FGF14: variants seen among roughly 807,000 people sequenced by gnomAD.
The protein encoded by FGF14 is fibroblast growth factor homologous factor 4.
In FGF14, 5 loss-of-function variants were observed where a neutral mutation model predicts 25.5. That is an observed-to-expected ratio of 0.20 (90% CI 0.10 to 0.41). FGF14 has a LOEUF of 0.41. Ranked by LOEUF, FGF14 falls within the 10% of genes least tolerant of loss-of-function variation. The pLI is 1.00. For synonymous variants in FGF14, 138 were observed against 118.3 expected (o/e 1.17, Z -1.08); for missense variants, 222 against 320.1 (o/e 0.69, Z 2.34).
In FGF14 at chr13:102,059,870, CAAAAA is replaced by C. The variant is rs1291466473; in HGVS notation, c.209-184579_209-184575del. ...CATCTCAAAAAAACAAAAACAAAAA[CAAAAA>C]AAAAAGAAAAGAAAGAAAGAAAAGA... On this transcript the variant is annotated intron_variant, in intron 1 of 4. Transcript: ENST00000376131. 6.4e-5 allele frequency among the ~76,000 whole-genome samples: 9 copies of C among 139,824 alleles called. No individual in the cohort carries two copies. In the South Asian group the frequency reaches 2.1e-3, roughly 32 times the overall value. 91.7% of individuals were successfully genotyped at this position (139,824 alleles called of 152,430 possible). A position where few individuals can be genotyped will look rare whatever the true frequency, so the allele number is the denominator to read the frequency against.
rs1388171078 is a variant in FGF14, at chr13:102,165,895, A to G, written c.208+235576T>C. Among the ~76,000 whole-genome samples, 4 of 152,062 alleles carry G rather than the reference A, an allele frequency of 2.6e-5. No homozygotes were observed. In the East Asian group the frequency reaches 5.8e-4, roughly 22 times the overall value. On this transcript the variant is annotated intron_variant, in intron 1 of 4. Transcript: ENST00000376131. Reference sequence around the variant, plus strand: ...GGAAACAGGAGGAATGAGGATACTTATAAGTATGGTTTTCTTTTCCTTTAA... The same window carrying G: ...GGAAACAGGAGGAATGAGGATACTTGTAAGTATGGTTTTCTTTTCCTTTAA...
chr13:102,266,396 T>C (rs1275954445), intron 1 of FGF14, among the ~76,000 whole-genome samples: 1 of 152,100 alleles, frequency 6.6e-6, no homozygotes, highest in East Asian at 1.9e-4. Context: ...AAGCAAACTC[T>C]AAATTACAAA....
intron 1 of FGF14, among the ~76,000 whole-genome samples, chr13:102,356,812 A>G (rs922147621): frequency 6.6e-6 from 1 of 152,048 alleles, no homozygotes; most frequent in Non-Finnish European, 1.5e-5. Context: ...TGTTTTTAAA[A>G]TGAGCTAATT....
chr13:101,912,065 T>C (rs2033000468), intron 1 of FGF14, among the ~76,000 whole-genome samples: 1 of 151,972 alleles, frequency 6.6e-6, no homozygotes, highest in South Asian at 2.1e-4. Context: ...TAGACACTTG[T>C]TTCCTTACAT....
intron 1 of FGF14, among the ~76,000 whole-genome samples, chr13:101,982,118 G>A (rs557512555): frequency 6.5e-4 from 99 of 152,278 alleles, no homozygotes; most frequent in African/African-American, 2.3e-3. Context: ...CGATTTTAAG[G>A]AGTGATGCTA....
intron 1 of FGF14, among the ~76,000 whole-genome samples, chr13:102,150,503 C>T (rs1285050314): frequency 1.3e-5 from 2 of 152,160 alleles, no homozygotes; most frequent in African/African-American, 4.8e-5. Flanking sequence ...CCAAGTCACA[C>T]CTCTCACTCC....
At position 102,148,661 on chromosome 13, in the gene FGF14, T is replaced by C. The variant is rs1001331989; in HGVS notation, c.208+252810A>G. Among the ~76,000 whole-genome samples, 73 of 152,048 alleles carry C rather than the reference T, an allele frequency of 4.8e-4. 1 individual carries two copies. Among genetic ancestry groups the C allele is most frequent in the South Asian group, 8.3e-4 (4 of 4,818 alleles). On this transcript the variant is annotated intron_variant, in intron 1 of 4. Coordinates refer to the FGF14 transcript ENST00000376131. ...CCGTCTCTACCAAAATACAAAAAAT[T>C]AGCCATGCATGGCGGCATGCAACTG...
intron 1 of FGF14, among the ~76,000 whole-genome samples, chr13:102,066,710 G>T (rs1036731888): frequency 6.6e-6 from 1 of 152,132 alleles, no homozygotes; most frequent in South Asian, 2.1e-4. Context: ...AGTTCTGACG[G>T]TCTTTCTCTA....
chr13:102,116,317 C>T (rs921807510), intron 1 of FGF14, among the ~76,000 whole-genome samples: 9 of 151,994 alleles, frequency 5.9e-5, no homozygotes, highest in African/African-American at 2.2e-4. Context: ...AAATATGAAA[C>T]ATGGAATTGC....
intron 1 of FGF14, among the ~76,000 whole-genome samples, chr13:102,155,726 G>GC (rs2047301916): frequency 2.1e-5 from 3 of 139,614 alleles, no homozygotes; most frequent in Non-Finnish European, 1.6e-5. Flanking sequence ...TCCAGGAGCT[G>GC]GTTTTTTTAA....
intron 1 of FGF14, among the ~76,000 whole-genome samples, chr13:102,114,856 G>A (rs2045393748): frequency 1.3e-5 from 2 of 152,136 alleles, no homozygotes; most frequent in South Asian, 4.1e-4. Flanking sequence ...TACTAATCAA[G>A]AGGCATAAAG....
exon 1 of FGF14, chr13:102,401,681 G>A: frequency 6.2e-7 from 1 of 1,612,516 alleles, no homozygotes; most frequent in Non-Finnish European, 8.5e-7. Context: ...TTTACCATAG[G>A]AAAAACGATA....
chr13:101,785,544 A>T (rs972317910), intron 3 of FGF14, among the ~76,000 whole-genome samples: 13 of 152,104 alleles, frequency 8.5e-5, no homozygotes, highest in Non-Finnish European at 1.8e-4. Flanking sequence ...TGATATTACT[A>T]ACTGGGTACT....
At chr13:102,114,088 G>A (rs909763041) in intron 1 of FGF14, among the ~76,000 whole-genome samples, 4 of 152,204 alleles carry the variant, frequency 2.6e-5, no homozygotes, top group Admixed American at 2.0e-4. Flanking sequence ...ACAAGGGAAG[G>A]AGAGTGGTGC....
intron 1 of FGF14, among the ~76,000 whole-genome samples, chr13:102,375,956 G>GT (rs2058031004): frequency 6.6e-6 from 1 of 152,114 alleles, no homozygotes; most frequent in Non-Finnish European, 1.5e-5. Context: ...TGAAGCTGTA[G>GT]TATCTAGAGT....
At chr13:101,958,832 G>T (rs866567816) in intron 1 of FGF14, among the ~76,000 whole-genome samples, 1 of 152,092 alleles carries the variant, frequency 6.6e-6, no homozygotes, top group Non-Finnish European at 1.5e-5. Context: ...AGGTCACTGC[G>T]CCTCCACCAA....
Position 101,977,621 on chromosome 13 carries a change from A to AGAGAGCAGAT in FGF14, c.209-102335_209-102326dup, listed in dbSNP as rs1411625548. 2.6e-5 allele frequency among the ~76,000 whole-genome samples: 4 copies of AGAGAGCAGAT among 152,134 alleles called. No homozygotes were observed. The East Asian group carries it at 7.7e-4, about 29-fold the overall frequency. On this transcript the variant is annotated intron_variant, in intron 1 of 4. Coordinates refer to the FGF14 transcript ENST00000376131. Reference sequence around the variant, plus strand: ...TAGGATACCATCTCTGAGCTGGACAAGAGAGCAGATGACCCCAGGAACCCT... The same window carrying AGAGAGCAGAT: ...TAGGATACCATCTCTGAGCTGGACAAGAGAGCAGATGAGAGCAGATGACCCCAGGAACCCT...
rs1238097025 is a variant in FGF14 at position 101,916,687 on chromosome 13, G to C, written c.-42C>G. The C allele has an allele frequency of 6.9e-7, 1 of 1,457,068 alleles. No individual in the cohort carries two copies. The highest frequency in any genetic ancestry group is 1.4e-5 in the South Asian group (1 of 70,276). 90.3% of individuals were successfully genotyped at this position (1,457,068 alleles called of 1,614,324 possible). ...GGTCCGGGGAGGGAGGGCGCGGGAG[G>C]ACGGCGAGCCGGGGGCACCGGAGGG... is the stretch of plus-strand genomic sequence containing the variant. On this transcript the variant is annotated 5_prime_UTR_variant, in exon 1 of 5. Coordinates refer to ENST00000376143, the MANE Select transcript of FGF14 (RefSeq NM_004115.4).
chr13:101,720,471 G>A lies in FGF14; in HGVS notation c.*2360C>T, dbSNP rs928742725. 1.3e-5 allele frequency: 2 copies of A among 151,836 alleles called. No individual in the cohort carries two copies. Among genetic ancestry groups the A allele is most frequent in the Non-Finnish European group, 2.9e-5 (2 of 67,950 alleles). 9.4% of individuals were successfully genotyped at this position (151,836 alleles called of 1,614,324 possible). On this transcript the variant is annotated 3_prime_UTR_variant, in exon 5 of 5. Coordinates refer to ENST00000376143, the MANE Select transcript of FGF14 (RefSeq NM_004115.4). ...TAAACCAATAAACAGACTTGCAGGGGAAAAAGAAACCAGCAAGTAGGGCTA... is the reference window on the plus strand; with the variant it reads ...TAAACCAATAAACAGACTTGCAGGGAAAAAAGAAACCAGCAAGTAGGGCTA...
Sources: allele counts gnomAD v4.1 joint callset (sites outside exome capture counted in the v4.1 genomes callset), GRCh38; gene constraint gnomAD v4.1.1; transcripts MANE v1.5; gene names NCBI Gene and HGNC (gene_info 2026-07-23, HGNC 2026-07-21).